ABCA2: variants seen among roughly 807,000 people sequenced by gnomAD.
ABCA2 encodes the protein ATP-binding cassette sub-family A member 2.
In ABCA2, 84 loss-of-function variants were observed where a neutral mutation model predicts 262.8. The ratio of observed to expected loss-of-function variants is 0.32; its 90% CI spans 0.27 to 0.38. The LOEUF (loss-of-function observed/expected upper bound fraction) is 0.38. Ranked by LOEUF, ABCA2 falls within the 10% of genes least tolerant of loss-of-function variation. The probability of loss-of-function intolerance (pLI) is 1.00; values close to 1 mark genes in which losing one functional copy is unlikely to be tolerated. For missense variants in ABCA2, 2,662 were observed against 3,405.9 expected, an observed-to-expected ratio of 0.78 and a Z score of 5.44; for synonymous variants, 1,696 against 1,502.9, an observed-to-expected ratio of 1.13 and a Z score of -2.97.
chr9:137,018,818 A>G lies in ABCA2; in HGVS notation c.1723-3T>C. The G allele has an allele frequency of 6.2e-7, 1 of 1,612,496 alleles. No homozygotes were observed. Among genetic ancestry groups the G allele is most frequent in the Non-Finnish European group, 8.5e-7 (1 of 1,179,796 alleles). ...CCCTTGAAGATGTCCACGCTCACCTAGCGGGAGGGGCATCGCTGGAGCCCG... is the reference window on the plus strand; with the variant it reads ...CCCTTGAAGATGTCCACGCTCACCTGGCGGGAGGGGCATCGCTGGAGCCCG... On this transcript the variant is annotated splice_polypyrimidine_tract_variant and splice_region_variant and intron_variant, in intron 12 of 48. Transcript: ENST00000341511.
chr9:137,021,903 C>G lies in ABCA2; in HGVS notation c.666G>C (p.Leu222=), dbSNP rs1465810551. The G allele has an allele frequency of 1.9e-6, 3 of 1,598,324 alleles. No homozygotes were observed. The highest frequency in any genetic ancestry group is 2.6e-6 in the Non-Finnish European group (3 of 1,173,510). ...EPWSRLGGNP[L]FRMEELLLAP... is the part of the protein sequence containing the mutation. ...TGGATGCCCTCACCTCCATCCGGAA[C>G]AGGGGATTGCCCCCTAGGCGGCTCC... Residue 222 remains leucine, a synonymous_variant, in exon 7 of 49, where the codon CTG becomes CTC. Transcript: ENST00000341511. This position sits in a 1 kb window ranked among gnomAD's most constrained non-coding sequence, Gnocchi z 6.0.
In ABCA2 at chr9:137,008,756, G is replaced by A. The variant is rs969345170; in HGVS notation, c.7043C>T (p.Ser2348Leu). 2 of 1,588,714 alleles carry A rather than the reference G, an allele frequency of 1.3e-6. No homozygotes were observed. The highest frequency in any genetic ancestry group is 1.7e-6 in the Non-Finnish European group (2 of 1,169,026). Reference sequence around the variant, plus strand: ...ATTGTCCAGTGTGGTCTGGCTGACCGAGTAGTCCTCGATGCCCAGCACGCC... The same window carrying A: ...ATTGTCCAGTGTGGTCTGGCTGACCAAGTAGTCCTCGATGCCCAGCACGCC... ...VSGVLGIEDY[S>L]VSQTTLDNVF... is the part of the protein sequence containing the mutation. Residue 2348 changes from serine to leucine, a missense_variant, in exon 47 of 49, where the codon TCG becomes TTG. Coordinates refer to ENST00000341511, the MANE Select transcript of ABCA2 (RefSeq NM_001606.5).
Position 137,010,698 on chromosome 9 carries a change from C to G in ABCA2, c.6096G>C (p.Val2032=). The part of the protein sequence containing the change: ...PVSTKPVEDD[V]DVASERQRVL... ...CTCGCTGCCGCTCACTGGCCACGTC[C>G]ACATCATCCTCCACAGGCTTGGTAG... is the stretch of plus-strand genomic sequence containing the variant. Residue 2032 remains valine, a synonymous_variant, in exon 40 of 49, where the codon GTG becomes GTC. Coordinates refer to ENST00000341511, the MANE Select transcript of ABCA2 (RefSeq NM_001606.5). 3 of 1,612,554 alleles carry G rather than the reference C, an allele frequency of 1.9e-6. No individual in the cohort carries two copies. Among genetic ancestry groups the G allele is most frequent in the Non-Finnish European group, 1.7e-6 (2 of 1,179,868 alleles).
chr9:137,015,690 G>A lies in ABCA2; in HGVS notation c.3499C>T (p.Leu1167=), dbSNP rs999672019. The change falls in exon 23 of 49, where the codon CTG becomes TTG. Residue 1167 remains leucine (L), a synonymous_variant. Transcript: ENST00000341511. ...CCCCACTCACCTGGCTTGTACTTCA[G>A]GATGAGGTCCCAGATGGCGCGGCGC... ...YARRAIWDLI[L]KYKPGRTILL... 6.2e-7 allele frequency: 1 copy of A among 1,609,388 alleles called. No individual in the cohort carries two copies. Among genetic ancestry groups the A allele is most frequent in the Non-Finnish European group, 8.5e-7 (1 of 1,178,572 alleles).
chr9:137,028,747 C>G, upstream of ABCA2: 1 of 1,279,628 alleles, frequency 7.8e-7, no homozygotes, highest in Non-Finnish European at 1.0e-6. The surrounding 1 kb of genome is among the most constrained non-coding windows in gnomAD (Gnocchi z 6.9). Flanking sequence ...CCAGGTGGGT[C>G]CGTCCCGCGA....
rs777153131 is a variant in ABCA2 at position 137,016,625 on chromosome 9, G to A, written c.2872C>T (p.Leu958Phe). 22 of 1,611,592 alleles carry A rather than the reference G, an allele frequency of 1.4e-5. No individual in the cohort carries two copies. Among genetic ancestry groups the A allele is most frequent in the Non-Finnish European group, 1.8e-5 (21 of 1,179,620 alleles). Reference sequence around the variant, plus strand: ...GCCTGGTCCTCCTCCATGACACTGAGGCGGGGGGTGCGTGCCCACGGCCAG... The same window carrying A: ...GCCTGGTCCTCCTCCATGACACTGAAGCGGGGGGTGCGTGCCCACGGCCAG... Reference protein sequence around the residue: ...WSWPWARTPRLSVMEEDQACA... With the variant: ...WSWPWARTPRFSVMEEDQACA... Residue 958 changes from leucine (L) to phenylalanine (F), a missense_variant, in exon 20 of 49, where the codon CTC (leucine) becomes TTC (phenylalanine). By Grantham distance (22) the Leu-to-Phe change is conservative (BLOSUM62 0). Coordinates refer to ENST00000341511, the MANE Select transcript of ABCA2 (RefSeq NM_001606.5).
At position 137,007,969 on chromosome 9, in the gene ABCA2, G is replaced by A. The variant is rs763398964; in HGVS notation, c.7276-5C>T. 1.9e-6 allele frequency: 3 copies of A among 1,603,748 alleles called. No homozygotes were observed. Among genetic ancestry groups the A allele is most frequent in the Non-Finnish European group, 2.5e-6 (3 of 1,179,438 alleles). On this transcript the variant is annotated splice_polypyrimidine_tract_variant and splice_region_variant and intron_variant, in intron 48 of 48. Coordinates refer to ENST00000341511, the MANE Select transcript of ABCA2 (RefSeq NM_001606.5). ...CGTGTTGAAGGACAGCTGGGCCTGTGCACAGGGGAGGTCAGGCTTATGGGG... is the reference window on the plus strand; with the variant it reads ...CGTGTTGAAGGACAGCTGGGCCTGTACACAGGGGAGGTCAGGCTTATGGGG...
In ABCA2 at chr9:137,021,972, A is replaced by C; in HGVS notation, c.597T>G (p.Ser199=). Residue 199 remains serine (S), a synonymous_variant, in exon 7 of 49, where the codon TCT becomes TCG. Transcript: ENST00000341511. The surrounding 1 kb of genome is among the most constrained non-coding windows in gnomAD (Gnocchi z 6.0). ...GGAGGCCAGACTGTGAATCCAGGGC[A>C]GATGAGGGACCAAAGAGCAGGTGGT... ...EVYHLLFGPS[S]ALDSQSGLHK... is the part of the protein sequence containing the mutation. 2.5e-6 allele frequency: 4 copies of C among 1,590,940 alleles called. No homozygotes were observed.
chr9:137,008,900 G>GT, intron 46 of ABCA2, 32 bp from the exon 47 acceptor site: 6 of 1,555,288 alleles, frequency 3.9e-6, no homozygotes, highest in South Asian at 1.1e-5. Context: ...GCCTGGCAGC[G>GT]CCCCCCCACC....
rs769025281 is a variant in ABCA2, at chr9:137,013,328, C to T, written c.4551-10G>A. ...GGGCGATAGCCGCAGCCTGCGGGCACCGACAGTGTGAGGTGGGGCTGCCAG... is the reference window on the plus strand; with the variant it reads ...GGGCGATAGCCGCAGCCTGCGGGCATCGACAGTGTGAGGTGGGGCTGCCAG... On this transcript the variant is annotated splice_polypyrimidine_tract_variant and intron_variant, in intron 29 of 48. Transcript: ENST00000341511. 4 of 1,539,948 alleles carry T rather than the reference C, an allele frequency of 2.6e-6. No individual in the cohort carries two copies. The East Asian group carries it at 9.5e-5, about 37-fold the overall frequency.
intron 48 of ABCA2, 32 bp downstream of exon 48, chr9:137,008,384 G>A: frequency 6.5e-7 from 1 of 1,547,280 alleles, no homozygotes; most frequent in Non-Finnish European, 8.7e-7. Flanking sequence ...AGTGGGCAGA[G>A]CCCTGGACAG....
chr9:137,028,288 C>G (rs1211764949), upstream of ABCA2: 4 of 977,378 alleles, frequency 4.1e-6, no homozygotes, highest in East Asian at 2.3e-4. The surrounding 1 kb of genome is among the most constrained non-coding windows in gnomAD (Gnocchi z 6.9). Flanking sequence ...GGCTCCGCCC[C>G]GGCGGCCGCG....
chr9:137,008,580 G>T lies in ABCA2; in HGVS notation c.7111C>A (p.Gln2371Lys). The change falls in exon 48 of 49, where the codon CAG (glutamine) becomes AAG (lysine). Residue 2371 changes from glutamine to lysine, a missense_variant. Gln to Lys is a moderately conservative substitution (Grantham distance 53, BLOSUM62 1). Transcript: ENST00000341511. The part of the protein sequence containing the change: ...FAKKQSDNLE[Q>K]QETEPPSALQ... ...GCGGATGGCGGCTCCGTCTCCTGCT[G>T]CTCCAGGTTGTCACTCTGCTTCTTG... 6.2e-7 allele frequency: 1 copy of T among 1,609,740 alleles called. No homozygotes were observed. The highest frequency in any genetic ancestry group is 1.7e-5 in the Admixed American group (1 of 59,686).
rs1223810809 is a variant in ABCA2, at chr9:137,019,783, C to T, written c.1426-477G>A. 7 of 194,238 alleles carry T rather than the reference C, an allele frequency of 3.6e-5. No individual in the cohort carries two copies. The highest frequency in any genetic ancestry group is 3.2e-4 in the Admixed American group (6 of 18,568). The allele number at this position is 194,238 out of a possible 1,614,324, so 12.0% of individuals were successfully genotyped here. On this transcript the variant is annotated intron_variant, in intron 10 of 48. Coordinates refer to ENST00000341511, the MANE Select transcript of ABCA2 (RefSeq NM_001606.5). The surrounding 1 kb of genome is among the most constrained non-coding windows in gnomAD (Gnocchi z 4.4). ...TTTGCCCTCCACTCCCAGGGCAGCA[C>T]GGCCTCCGGACCCCCAACTGCCCAG...
rs769560287 is a variant in ABCA2, at chr9:137,012,725, A to C, written c.5068T>G (p.Phe1690Val). The change falls in exon 31 of 49, where the codon TTC becomes GTC. Residue 1690 changes from phenylalanine to valine, a missense_variant. By Grantham distance (50) the Phe-to-Val change is conservative. Around this residue, in one of 12 missense-constraint regions of ABCA2, gnomAD observed 602 missense variants for 897.4 expected, o/e 0.67. Coordinates refer to ENST00000341511, the MANE Select transcript of ABCA2 (RefSeq NM_001606.5). ...CACCCAGCTCACCGGTGCAGTCGGA[A>C]GCGGTCGGAGGTGAAGAGCAGGTAC... ...SEYLLFTSDR[F>V]RLHRYGAITF... 3.7e-6 allele frequency: 6 copies of C among 1,612,542 alleles called. No individual in the cohort carries two copies. The Admixed American group carries it at 1.0e-4, about 27-fold the overall frequency.
rs746434796 is a variant in ABCA2, at chr9:137,014,245, G to A, written c.4163C>T (p.Ala1388Val). 1 of 1,610,678 alleles carries A rather than the reference G, an allele frequency of 6.2e-7. No homozygotes were observed. The highest frequency in any genetic ancestry group is 1.1e-5 in the South Asian group (1 of 90,624). The change falls in exon 27 of 49, where the codon GCT (alanine) becomes GTT (valine). Residue 1388 changes from alanine to valine, a missense_variant. Physicochemically the swap from Ala to Val is moderately conservative, Grantham distance 64 (BLOSUM62 0). Coordinates refer to ENST00000341511, the MANE Select transcript of ABCA2 (RefSeq NM_001606.5). ...GTCGCCATAGACGTCGGTGTAGCCAGCTCCCTCGTCGCCACGGGCAGAGCC... is the reference window on the plus strand; with the variant it reads ...GTCGCCATAGACGTCGGTGTAGCCAACTCCCTCGTCGCCACGGGCAGAGCC... ...SVGSARGDEG[A>V]GYTDVYGDYR...
In ABCA2 at chr9:137,015,697, G is replaced by A. The variant is rs777429898; in HGVS notation, c.3492C>T (p.Asp1164=). 17 of 1,609,698 alleles carry A rather than the reference G, an allele frequency of 1.1e-5. No homozygotes were observed. Among genetic ancestry groups the A allele is most frequent in the East Asian group, 2.2e-5 (1 of 44,758 alleles). ...CACCTGGCTTGTACTTCAGGATGAGGTCCCAGATGGCGCGGCGCGCGTAGG... is the reference window on the plus strand; with the variant it reads ...CACCTGGCTTGTACTTCAGGATGAGATCCCAGATGGCGCGGCGCGCGTAGG... The part of the protein sequence containing the change: ...VDPYARRAIW[D]LILKYKPGRT... The change falls in exon 23 of 49, where the codon GAC becomes GAT. Residue 1164 remains aspartate, a synonymous_variant. Coordinates refer to ENST00000341511, the MANE Select transcript of ABCA2 (RefSeq NM_001606.5).
rs1011144806 is a variant in ABCA2 at position 137,022,005 on chromosome 9, G to C, written c.568-4C>G. On this transcript the variant is annotated splice_polypyrimidine_tract_variant and splice_region_variant and intron_variant, in intron 6 of 48. Coordinates refer to ENST00000341511, the MANE Select transcript of ABCA2 (RefSeq NM_001606.5). Reference sequence around the variant, plus strand: ...GACCAAAGAGCAGGTGGTAGACCTAGGAGGTGTGGGGGAATGGCTCAGATG... The same window carrying C: ...GACCAAAGAGCAGGTGGTAGACCTACGAGGTGTGGGGGAATGGCTCAGATG... The C allele has an allele frequency of 1.3e-6, 2 of 1,583,134 alleles. No individual in the cohort carries two copies.
rs759205170 is a variant in ABCA2, at chr9:137,009,496, G to T, written c.6735-34C>A. ...CATGCACAGGCTGGCACCGGAAGGGGTGCTGTGGGGTGGGGGCACAAAGAG... is the reference window on the plus strand; with the variant it reads ...CATGCACAGGCTGGCACCGGAAGGGTTGCTGTGGGGTGGGGGCACAAAGAG... On this transcript the variant is annotated intron_variant, in intron 44 of 48. Transcript: ENST00000341511. The T allele has an allele frequency of 6.8e-6, 11 of 1,611,628 alleles. No homozygotes were observed. In the Admixed American group the frequency reaches 1.8e-4, roughly 27 times the overall value.
Sources: allele counts gnomAD v4.1 joint callset, GRCh38; gene constraint gnomAD v4.1.1; regional missense constraint gnomAD v4.1.1; non-coding constraint Gnocchi (gnomAD v3.1); transcripts MANE v1.5; gene names NCBI Gene and HGNC (gene_info 2026-07-23, HGNC 2026-07-21).